Variants in CHN1 observed in about 807,000 individuals in gnomAD.
CHN1 encodes chimerin 1.
CHN1 carries 37 observed loss-of-function variants against 59.5 expected under a neutral mutation model. The ratio of observed to expected loss-of-function variants is 0.62; its 90% confidence interval spans 0.48 to 0.82. The LOEUF (loss-of-function observed/expected upper bound fraction) is 0.82. Among genes scored for constraint, CHN1 ranks in the 40% least tolerant of loss-of-function variants. The pLI is 0.00. For missense variants in CHN1, 469 were observed against 571.0 expected (o/e 0.82, Z 1.82); for synonymous variants, 206 against 200.4 (o/e 1.03, Z -0.24).
intron 3 of CHN1, among the ~76,000 whole-genome samples, chr2:174,942,302 T>C (rs1364108304): frequency 6.6e-6 from 1 of 152,186 alleles, no homozygotes; most frequent in Non-Finnish European, 1.5e-5. Flanking sequence ...ATGTGGTTTA[T>C]TTACACAATG....
At chr2:174,843,760 C>T (rs1172585615) in intron 7 of CHN1, among the ~76,000 whole-genome samples, 1 of 151,198 alleles carries the variant, frequency 6.6e-6, no homozygotes, top group African/African-American at 2.4e-5. Context: ...TACCATGTAT[C>T]TACATGTACT....
At chr2:174,861,156 G>C (rs1007658383) in intron 6 of CHN1, among the ~76,000 whole-genome samples, 7 of 152,148 alleles carry the variant, frequency 4.6e-5, no homozygotes, top group African/African-American at 7.2e-5. Context: ...CTAGTTATGG[G>C]ATCTTAGATA....
At chr2:174,988,521 A>G (rs1481899383) in intron 1 of CHN1, among the ~76,000 whole-genome samples, 2 of 152,094 alleles carry the variant, frequency 1.3e-5, no homozygotes, top group East Asian at 3.9e-4. Context: ...TATTGCTAAT[A>G]TTTTTTTCTT....
intron 8 of CHN1, among the ~76,000 whole-genome samples, chr2:174,820,219 T>C (rs901437885): frequency 1.3e-5 from 2 of 152,180 alleles, no homozygotes; most frequent in African/African-American, 4.8e-5. Flanking sequence ...GTATTTCTAG[T>C]TCTAGATCCC....
intron 5 of CHN1, among the ~76,000 whole-genome samples, chr2:174,896,895 C>G (rs6732733): frequency 0.013 from 2,054 of 152,170 alleles, 38 homozygotes; most frequent in African/African-American, 0.047. Context: ...CATCTATTAT[C>G]TAATGATATA....
chr2:174,930,409 A>G (rs1476982684), intron 3 of CHN1, among the ~76,000 whole-genome samples: 1 of 152,234 alleles, frequency 6.6e-6, no homozygotes, highest in Admixed American at 6.5e-5. Context: ...GGAAGAGATC[A>G]AAGCACTTTA....
chr2:174,874,404 A>G (rs761068883), intron 6 of CHN1, among the ~76,000 whole-genome samples: 8 of 152,210 alleles, frequency 5.3e-5, no homozygotes, highest in Non-Finnish European at 1.0e-4. Flanking sequence ...AGTGTTTTCC[A>G]ATTGATATTT....
At chr2:174,873,422 T>C (rs902751299) in intron 6 of CHN1, among the ~76,000 whole-genome samples, 2 of 152,200 alleles carry the variant, frequency 1.3e-5, no homozygotes, top group African/African-American at 4.8e-5. Context: ...TGCCATGCAC[T>C]CCTCTGGTAC....
chr2:174,903,782 A>G (rs1017785247), intron 5 of CHN1, among the ~76,000 whole-genome samples: 2 of 152,190 alleles, frequency 1.3e-5, no homozygotes, highest in African/African-American at 4.8e-5. Flanking sequence ...TGTTTAAATT[A>G]TTAAACTTCA....
intron 1 of CHN1, among the ~76,000 whole-genome samples, chr2:174,993,866 A>T (rs1691626732): frequency 6.6e-6 from 1 of 152,232 alleles, no homozygotes; most frequent in African/African-American, 2.4e-5. Context: ...CCATTTAAAA[A>T]TGTTAATGTT....
chr2:174,851,135 C>T (rs1255176654), intron 6 of CHN1, among the ~76,000 whole-genome samples: 1 of 152,166 alleles, frequency 6.6e-6, no homozygotes, highest in Non-Finnish European at 1.5e-5. Context: ...TATTCTGGCT[C>T]TATAAAACAG....
At chr2:174,835,538 T>C (rs2105417836) in intron 7 of CHN1, among the ~76,000 whole-genome samples, 2 of 152,164 alleles carry the variant, frequency 1.3e-5, no homozygotes, top group East Asian at 3.9e-4. Flanking sequence ...TTAAGACTGC[T>C]TGCTATTGTC....
chr2:174,843,864 T>C (rs934779578), intron 7 of CHN1, among the ~76,000 whole-genome samples: 5 of 152,140 alleles, frequency 3.3e-5, no homozygotes, highest in African/African-American at 1.2e-4. Flanking sequence ...AGGCTGGATC[T>C]TATTTATCAT....
intron 7 of CHN1, among the ~76,000 whole-genome samples, chr2:174,843,309 G>T (rs1485118001): frequency 6.6e-6 from 1 of 151,878 alleles, no homozygotes; most frequent in East Asian, 1.9e-4. Context: ...ATGTGATCTC[G>T]GCTCACTGCA....
chr2:174,998,782 G>A (rs76663191), intron 1 of CHN1, among the ~76,000 whole-genome samples: 7,840 of 151,926 alleles, frequency 0.052, 268 homozygotes, highest in African/African-American at 0.094. Flanking sequence ...TTTGTTCTTT[G>A]AGGAAGAAAA....
intron 1 of CHN1, among the ~76,000 whole-genome samples, chr2:174,967,159 T>C (rs1264140616): frequency 6.6e-6 from 1 of 151,832 alleles, no homozygotes; most frequent in Non-Finnish European, 1.5e-5. Flanking sequence ...GCCTGGGCAA[T>C]GTGGAGAAAC....
At chr2:174,977,413 G>T (rs891166266) in intron 1 of CHN1, among the ~76,000 whole-genome samples, 1 of 152,144 alleles carries the variant, frequency 6.6e-6, no homozygotes, top group Non-Finnish European at 1.5e-5. Context: ...ATTGCTGTTT[G>T]CCAATATGGG....
At chr2:174,814,762 G>A (rs1326757397) in intron 8 of CHN1, among the ~76,000 whole-genome samples, 1 of 152,172 alleles carries the variant, frequency 6.6e-6, no homozygotes, top group African/African-American at 2.4e-5. Flanking sequence ...CAGAAGCTAA[G>A]TTGAACTCAA....
chr2:174,953,877 C>G (rs1690105731), intron 1 of CHN1, among the ~76,000 whole-genome samples: 1 of 152,142 alleles, frequency 6.6e-6, no homozygotes, highest in African/African-American at 2.4e-5. Flanking sequence ...CAAAAGTAAT[C>G]TGCAAATTCA....
Sources: allele counts gnomAD v4.1 joint callset (sites outside exome capture counted in the v4.1 genomes callset), GRCh38; gene constraint gnomAD v4.1.1; transcripts MANE v1.5; gene names NCBI Gene and HGNC (gene_info 2026-07-23, HGNC 2026-07-21).